Variants in ANKRD13B observed in about 807,000 individuals in gnomAD.
The protein encoded by ANKRD13B is ankyrin repeat domain-containing protein 13B.
A neutral mutation model predicts 74.4 loss-of-function variants in ANKRD13B; 33 were observed. That is an observed-to-expected ratio of 0.44 (90% confidence interval 0.34 to 0.59). The LOEUF (loss-of-function observed/expected upper bound fraction) is 0.59. Ranked by LOEUF, ANKRD13B falls within the 20% of genes least tolerant of loss-of-function variation. ANKRD13B has a pLI of 0.02. For synonymous variants in ANKRD13B, 341 were observed against 362.9 expected (o/e 0.94, Z 0.68); for missense variants, 676 against 877.9 (o/e 0.77, Z 2.91).
At position 29,611,312 on chromosome 17, in the gene ANKRD13B, C is replaced by T. The variant is rs146978452; in HGVS notation, c.905-267C>T. Among the ~76,000 whole-genome samples the T allele has an allele frequency of 2.4e-4, 36 of 152,342 alleles. No homozygotes were observed. Among genetic ancestry groups the T allele is most frequent in the South Asian group, 1.7e-3 (8 of 4,826 alleles). The stretch of plus-strand genomic sequence containing the variant: ...CAGGCGTTTTACTGTCCAGGGTCAC[C>T]GAGCTGGAGAGGAGCACTTTTGGAA... On this transcript the variant is annotated intron_variant, in intron 8 of 14. Transcript: ENST00000394859. This position sits in a 1 kb window ranked among gnomAD's most constrained non-coding sequence, Gnocchi z 4.3.
rs1354944162 is a variant in ANKRD13B, at chr17:29,613,797, T to TG, written c.*217dup. 2.9e-6 allele frequency: 2 copies of TG among 678,144 alleles called. No homozygotes were observed. Among genetic ancestry groups the TG allele is most frequent in the East Asian group, 6.8e-5 (2 of 29,254 alleles). 42.0% of individuals were successfully genotyped at this position (678,144 alleles called of 1,614,324 possible). On this transcript the variant is annotated 3_prime_UTR_variant, in exon 15 of 15. Transcript: ENST00000394859. ...GGCCCTGGAGGCAACTGGCACGGCCTGGTCCCCCTGCTTTGCTGTATTCTG... is the reference window on the plus strand; with the variant it reads ...GGCCCTGGAGGCAACTGGCACGGCCTGGGTCCCCCTGCTTTGCTGTATTCTG...
At chr17:29,607,060 A>C (rs1244447564) in intron 1 of ANKRD13B, among the ~76,000 whole-genome samples, 1 of 151,514 alleles carries the variant, frequency 6.6e-6, no homozygotes, top group East Asian at 1.9e-4. Context: ...CCCAAAAAAA[A>C]CACAAAAAAA....
intron 1 of ANKRD13B, among the ~76,000 whole-genome samples, chr17:29,596,854 C>T (rs1275505779): frequency 6.6e-6 from 1 of 152,136 alleles, no homozygotes; most frequent in Non-Finnish European, 1.5e-5. Flanking sequence ...CCCCAGAAAC[C>T]AAAAATCAAT....
chr17:29,608,470 C>CT lies in ANKRD13B; in HGVS notation c.421+230_421+231insT, dbSNP rs2034466952. 6.6e-6 allele frequency among the ~76,000 whole-genome samples: 1 copy of CT among 152,184 alleles called. No homozygotes were observed. Among genetic ancestry groups the CT allele is most frequent in the African/African-American group, 2.4e-5 (1 of 41,436 alleles). On this transcript the variant is annotated intron_variant, in intron 4 of 14. Transcript: ENST00000394859. The surrounding 1 kb of genome is among the most constrained non-coding windows in gnomAD (Gnocchi z 6.4). ...TTTGCTTACTGTATTCATGACCTGC[C>CT]GCTCCTTGTTAGAAGGTAAGCTCTG...
chr17:29,607,639 C>T, intron 1 of ANKRD13B, 103 bp from the exon 2 acceptor site: 1 of 1,475,630 alleles, frequency 6.8e-7, no homozygotes, highest in Non-Finnish European at 9.0e-7. Flanking sequence ...AGAGCAGCCC[C>T]AGCAGGGGGT....
chr17:29,604,830 A>G (rs376492662), intron 1 of ANKRD13B, among the ~76,000 whole-genome samples: 1 of 152,226 alleles, frequency 6.6e-6, no homozygotes, highest in African/African-American at 2.4e-5. Flanking sequence ...GGCATGAGCC[A>G]CTGCACCCGG....
At position 29,608,294 on chromosome 17, in the gene ANKRD13B, T is replaced by A; in HGVS notation, c.421+54T>A. The A allele has an allele frequency of 1.2e-6, 2 of 1,608,834 alleles. No homozygotes were observed. Among genetic ancestry groups the A allele is most frequent in the Non-Finnish European group, 1.7e-6 (2 of 1,176,298 alleles). Reference sequence around the variant, plus strand: ...GGCTCTCCCACTTTAGGTCCTGCGCTTGCTCCCCTGCCTGGAATGTGTTCT... The same window carrying A: ...GGCTCTCCCACTTTAGGTCCTGCGCATGCTCCCCTGCCTGGAATGTGTTCT... On this transcript the variant is annotated intron_variant, in intron 4 of 14. Coordinates refer to ENST00000394859, the MANE Select transcript of ANKRD13B (RefSeq NM_152345.5). The surrounding 1 kb of genome is among the most constrained non-coding windows in gnomAD (Gnocchi z 6.4).
In ANKRD13B at chr17:29,610,724, C is replaced by T. The variant is rs762020530; in HGVS notation, c.862C>T (p.Arg288Trp). 11 of 1,613,990 alleles carry T rather than the reference C, an allele frequency of 6.8e-6. No individual in the cohort carries two copies. Among genetic ancestry groups the T allele is most frequent in the East Asian group, 2.2e-5 (1 of 44,874 alleles). ...TAACGTGGAGCTCATCACCCGCACA[C>T]GGACAGAACATCTTTCAGAACAGCA... Reference protein sequence around the residue: ...ASNVELITRTRTEHLSEQHKG... With the variant: ...ASNVELITRTWTEHLSEQHKG... Residue 288 changes from arginine (R) to tryptophan (W), a missense_variant, in exon 8 of 15, where the codon CGG becomes TGG. This residue lies in a region of ANKRD13B where 328 missense variants were observed against 518.4 expected (regional missense o/e 0.63). Transcript: ENST00000394859.
intron 1 of ANKRD13B, among the ~76,000 whole-genome samples, chr17:29,605,412 ACAAAC>A (rs2034332653): frequency 7.3e-6 from 1 of 137,876 alleles, no homozygotes; most frequent in South Asian, 2.3e-4. Flanking sequence ...ATATACACAC[ACAAAC>A]ACACACACAC....
At chr17:29,599,880 T>TG (rs1376942518) in intron 1 of ANKRD13B, among the ~76,000 whole-genome samples, 3 of 124,588 alleles carry the variant, frequency 2.4e-5, no homozygotes, top group South Asian at 2.8e-4. Context: ...TTTTTTTTTT[T>TG]TTTTTTTTTT....
rs992533686 is a variant in ANKRD13B at position 29,609,611 on chromosome 17, G to C, written c.822+190G>C. On this transcript the variant is annotated intron_variant, in intron 7 of 14. Coordinates refer to ENST00000394859, the MANE Select transcript of ANKRD13B (RefSeq NM_152345.5). The surrounding 1 kb of genome is among the most constrained non-coding windows in gnomAD (Gnocchi z 4.0). Reference sequence around the variant, plus strand: ...ATGTATGGATGTATACACAGGGCACGTGCACACGCACACACACACACACAT... The same window carrying C: ...ATGTATGGATGTATACACAGGGCACCTGCACACGCACACACACACACACAT... Among the ~76,000 whole-genome samples, 1 of 152,198 alleles carries C rather than the reference G, an allele frequency of 6.6e-6. No homozygotes were observed. The highest frequency in any genetic ancestry group is 1.5e-5 in the Non-Finnish European group (1 of 68,032).
intron 1 of ANKRD13B, among the ~76,000 whole-genome samples, chr17:29,605,057 A>G (rs2034319642): frequency 6.6e-6 from 1 of 152,172 alleles, no homozygotes; most frequent in African/African-American, 2.4e-5. Flanking sequence ...GAGTTTCACT[A>G]TACACATGTG....
chr17:29,606,977 G>A (rs771360885), intron 1 of ANKRD13B, among the ~76,000 whole-genome samples: 1 of 151,916 alleles, frequency 6.6e-6, no homozygotes, highest in African/African-American at 2.4e-5. Context: ...TTGAACCTGG[G>A]AGACGGAGGT....
At chr17:29,606,958 G>A (rs1277530588) in intron 1 of ANKRD13B, among the ~76,000 whole-genome samples, 1 of 151,182 alleles carries the variant, frequency 6.6e-6, no homozygotes, top group Non-Finnish European at 1.5e-5. Flanking sequence ...GCTGAGGCAG[G>A]AGAATCGCTT....
intron 1 of ANKRD13B, among the ~76,000 whole-genome samples, chr17:29,597,988 G>GGCT (rs1360476516): frequency 1.3e-5 from 2 of 152,128 alleles, no homozygotes; most frequent in African/African-American, 2.4e-5. Flanking sequence ...TAGCTGCAGC[G>GGCT]GCTGCGGCTG....
chr17:29,597,842 G>T (rs2034007380), intron 1 of ANKRD13B, among the ~76,000 whole-genome samples: 2 of 152,096 alleles, frequency 1.3e-5, no homozygotes, highest in South Asian at 4.1e-4. Context: ...GTGTGGGGAT[G>T]GGGAGGAGCA....
intron 1 of ANKRD13B, 45 bp downstream of exon 1, chr17:29,593,780 C>T: frequency 8.2e-7 from 1 of 1,214,568 alleles, no homozygotes; most frequent in Non-Finnish European, 1.1e-6. Flanking sequence ...CGGCCGGGCA[C>T]GCCCGTCCGG....
intron 1 of ANKRD13B, among the ~76,000 whole-genome samples, chr17:29,605,474 A>G (rs763443627): frequency 1.3e-5 from 2 of 152,030 alleles, no homozygotes; most frequent in Non-Finnish European, 1.5e-5. Context: ...ACGCATATGT[A>G]TATATATATT....
chr17:29,601,915 G>A (rs980036738), intron 1 of ANKRD13B, among the ~76,000 whole-genome samples: 5 of 152,074 alleles, frequency 3.3e-5, no homozygotes, highest in African/African-American at 1.2e-4. Context: ...ATACATAATG[G>A]ACCTCATTTC....
Sources: allele counts gnomAD v4.1 joint callset (sites outside exome capture counted in the v4.1 genomes callset), GRCh38; gene constraint gnomAD v4.1.1; regional missense constraint gnomAD v4.1.1; non-coding constraint Gnocchi (gnomAD v3.1); transcripts MANE v1.5; gene names NCBI Gene and HGNC (gene_info 2026-07-23, HGNC 2026-07-21).